CDK8: variants seen among roughly 807,000 people sequenced by gnomAD.
The protein encoded by CDK8 is cyclin-dependent kinase 8.
Under a neutral mutation model 71.5 loss-of-function variants are expected in CDK8, and 29 were observed. The observed-to-expected ratio is 0.41, with a 90% CI of 0.30 to 0.55. The LOEUF is 0.55. CDK8 is among the 20% of genes least tolerant of loss of function. The pLI is 0.37. For missense variants in CDK8, 288 were observed against 572.6 expected (o/e 0.50, Z 5.07); for synonymous variants, 161 against 192.1 (o/e 0.84, Z 1.34).
At position 26,378,684 on chromosome 13, in the gene CDK8, G is replaced by A. The variant is rs527642659; in HGVS notation, c.457-4130G>A. On this transcript the variant is annotated intron_variant, in intron 4 of 12. Transcript: ENST00000381527. ...AATGGAGTATATGCCTCATCAGAAT[G>A]TCACCAGCAAAGTTCTATATGTTCT... Among the ~76,000 whole-genome samples the A allele has an allele frequency of 4.6e-5, 7 of 152,292 alleles. No homozygotes were observed. In the South Asian group the frequency reaches 1.4e-3, roughly 32 times the overall value.
At chr13:26,399,448 G>C (rs1006021732) in intron 9 of CDK8, among the ~76,000 whole-genome samples, 1 of 152,202 alleles carries the variant, frequency 6.6e-6, no homozygotes, top group South Asian at 2.1e-4. Flanking sequence ...CAGAAACTCT[G>C]TGAGGAGGGC....
intron 1 of CDK8, among the ~76,000 whole-genome samples, chr13:26,293,194 C>T (rs1320603769): frequency 6.6e-6 from 1 of 152,046 alleles, no homozygotes; most frequent in East Asian, 1.9e-4. Context: ...TTTATTTCTG[C>T]TTTCATATGT....
chr13:26,397,521 T>G (rs1360553778), intron 9 of CDK8, among the ~76,000 whole-genome samples: 1 of 151,700 alleles, frequency 6.6e-6, no homozygotes, highest in African/African-American at 2.4e-5. Flanking sequence ...TTCGTCTGTT[T>G]AAGATTTTAA....
chr13:26,358,658 C>G (rs572129724), intron 4 of CDK8, among the ~76,000 whole-genome samples: 4 of 152,238 alleles, frequency 2.6e-5, no homozygotes, highest in African/African-American at 9.6e-5. Context: ...CAAAATAATT[C>G]AAAGCAGGGT....
At chr13:26,371,778 G>A (rs1236597983) in intron 4 of CDK8, among the ~76,000 whole-genome samples, 1 of 152,004 alleles carries the variant, frequency 6.6e-6, no homozygotes, top group Non-Finnish European at 1.5e-5. Flanking sequence ...ACCATGCCCA[G>A]CTAATTTTTT....
intron 4 of CDK8, among the ~76,000 whole-genome samples, chr13:26,381,640 G>A (rs1003599470): frequency 2.6e-5 from 4 of 152,110 alleles, no homozygotes; most frequent in African/African-American, 7.2e-5. Flanking sequence ...ACCCAGTCTT[G>A]CTGATTATAT....
intron 1 of CDK8, among the ~76,000 whole-genome samples, chr13:26,305,771 T>C (rs1367676108): frequency 6.6e-6 from 1 of 152,210 alleles, no homozygotes; most frequent in Non-Finnish European, 1.5e-5. Flanking sequence ...TTGCTATATT[T>C]TACAGTTTTA....
intron 1 of CDK8, among the ~76,000 whole-genome samples, chr13:26,320,465 T>C (rs1177796695): frequency 2.0e-5 from 3 of 151,708 alleles, no homozygotes; most frequent in African/African-American, 7.3e-5. Flanking sequence ...GAAGATAACA[T>C]AGGGCAAAAG....
At chr13:26,267,424 T>C (rs1216827796) in intron 1 of CDK8, among the ~76,000 whole-genome samples, 1 of 152,210 alleles carries the variant, frequency 6.6e-6, no homozygotes, top group African/African-American at 2.4e-5. Context: ...AGTCCCCCTT[T>C]TACCTCAGAT....
rs9319295 is a variant in CDK8, at chr13:26,338,011, A to C, written c.204+369A>C. Among the ~76,000 whole-genome samples the C allele has an allele frequency of 6.8e-3, 1,031 of 152,220 alleles. 8 individuals carry two copies. Among genetic ancestry groups the C allele is most frequent in the Middle Eastern group, 0.024 (7 of 294 alleles). On this transcript the variant is annotated intron_variant, in intron 2 of 12. Coordinates refer to ENST00000381527, the MANE Select transcript of CDK8 (RefSeq NM_001260.3). Reference sequence around the variant, plus strand: ...TAATGTCATTAGTTATGTCAAATTAAAATGAGGTTGTATTATTTGATTTTC... The same window carrying C: ...TAATGTCATTAGTTATGTCAAATTACAATGAGGTTGTATTATTTGATTTTC...
At chr13:26,304,848 T>G (rs1873973853) in intron 1 of CDK8, among the ~76,000 whole-genome samples, 1 of 151,880 alleles carries the variant, frequency 6.6e-6, no homozygotes, top group African/African-American at 2.4e-5. Flanking sequence ...ATTATTATTT[T>G]ATAGAGATGA....
chr13:26,340,916 A>G (rs1434639904), intron 2 of CDK8, among the ~76,000 whole-genome samples: 5 of 152,174 alleles, frequency 3.3e-5, no homozygotes, highest in Admixed American at 3.3e-4. Flanking sequence ...AGAGCATTGC[A>G]TATCTTCATC....
intron 4 of CDK8, among the ~76,000 whole-genome samples, chr13:26,378,117 G>A (rs1158356200): frequency 6.6e-6 from 1 of 152,212 alleles, no homozygotes; most frequent in African/African-American, 2.4e-5. Flanking sequence ...CTGGAATAAA[G>A]TTATTGCCGT....
At chr13:26,336,631 G>T (rs1342774928) in intron 1 of CDK8, among the ~76,000 whole-genome samples, 2 of 145,436 alleles carry the variant, frequency 1.4e-5, no homozygotes, top group Non-Finnish European at 3.0e-5. Context: ...TCGGCTCACT[G>T]CAAGCTCCAC....
At chr13:26,308,577 C>A (rs141452557) in intron 1 of CDK8, among the ~76,000 whole-genome samples, 1 of 152,106 alleles carries the variant, frequency 6.6e-6, no homozygotes, top group Admixed American at 6.5e-5. Flanking sequence ...AGTTTTGGTC[C>A]CTGTTAGTAT....
At chr13:26,378,872 A>G (rs1875081244) in intron 4 of CDK8, among the ~76,000 whole-genome samples, 1 of 152,218 alleles carries the variant, frequency 6.6e-6, no homozygotes, top group African/African-American at 2.4e-5. Flanking sequence ...ATATCAAGAA[A>G]TTAGTTTTTT....
At chr13:26,315,339 G>A (rs755329050) in intron 1 of CDK8, among the ~76,000 whole-genome samples, 2 of 152,202 alleles carry the variant, frequency 1.3e-5, no homozygotes, top group Non-Finnish European at 2.9e-5. Flanking sequence ...ACAGCTTTAA[G>A]TGAAAGGCTT....
chr13:26,393,327 C>A, intron 6 of CDK8, 40 bp from the exon 7 acceptor site: 1 of 1,294,274 alleles, frequency 7.7e-7, no homozygotes, highest in South Asian at 1.5e-5. Flanking sequence ...TTTTTCCTTG[C>A]CTATTTTTCT....
chr13:26,370,942 A>C (rs948349095), intron 4 of CDK8, among the ~76,000 whole-genome samples: 1 of 151,980 alleles, frequency 6.6e-6, no homozygotes, highest in Admixed American at 6.6e-5. Context: ...ATTTTTGTTT[A>C]ATTTTTTTTT....
Sources: gnomAD v4.1 joint callset for allele counts (sites outside exome capture counted in the v4.1 genomes callset) on GRCh38, gnomAD v4.1.1 for gene constraint, MANE v1.5 for transcripts, NCBI Gene and HGNC (gene_info 2026-07-23, HGNC 2026-07-21) for gene names.